The following NEK10 variants were observed in gnomAD, a reference collection of about 807,000 sequenced individuals.
NEK10 encodes the protein serine/threonine-protein kinase Nek10.
NEK10 carries 122 observed loss-of-function variants against 159.8 expected under a neutral mutation model. The ratio of observed to expected loss-of-function variants is 0.76; its 90% CI spans 0.66 to 0.89. The LOEUF (loss-of-function observed/expected upper bound fraction) is 0.89. Among genes scored for constraint, NEK10 ranks in the 40% least tolerant of loss-of-function variants. The pLI, the probability that NEK10 is intolerant of heterozygous loss-of-function variation, is 0.00. For synonymous variants in NEK10, 466 were observed against 457.1 expected (o/e 1.02, Z -0.25); for missense variants, 1,342 against 1,323.1 (o/e 1.01, Z -0.22).
intron 5 of NEK10, among the ~76,000 whole-genome samples, chr3:27,342,069 T>C (rs2047237158): frequency 6.6e-6 from 1 of 152,002 alleles, no homozygotes; most frequent in Non-Finnish European, 1.5e-5. Flanking sequence ...CTGAGTAGAA[T>C]TTGAGTCCCC....
At chr3:27,119,520 C>T (rs547323246) in intron 33 of NEK10, among the ~76,000 whole-genome samples, 1 of 152,298 alleles carries the variant, frequency 6.6e-6, no homozygotes, top group East Asian at 1.9e-4. Context: ...AACTCACCCA[C>T]ACAGATTCTG....
chr3:27,363,617 T>G (rs2048841169), intron 1 of NEK10: 1 of 152,132 alleles, frequency 6.6e-6, no homozygotes, highest in African/African-American at 2.4e-5. Context: ...TGACAAAATC[T>G]CTCCATAAAT....
chr3:27,321,022 G>T (rs866807778), intron 6 of NEK10, among the ~76,000 whole-genome samples: 6 of 152,150 alleles, frequency 3.9e-5, no homozygotes, highest in South Asian at 2.1e-4. Context: ...AACAGAGGAT[G>T]GTTACTTTTC....
At chr3:27,279,142 T>A (rs1373280198) in intron 22 of NEK10, among the ~76,000 whole-genome samples, 1 of 152,218 alleles carries the variant, frequency 6.6e-6, no homozygotes, top group African/African-American at 2.4e-5. Flanking sequence ...TTACTATAAA[T>A]AAGTGCAAAC....
intron 11 of NEK10, among the ~76,000 whole-genome samples, 192 bp downstream of exon 11, chr3:27,307,667 T>C (rs1220209048): frequency 6.6e-6 from 1 of 152,208 alleles, no homozygotes; most frequent in East Asian, 1.9e-4. Context: ...CTAGAAGTAA[T>C]GCAGGACTAA....
At chr3:27,162,378 A>G (rs1946094239) in intron 30 of NEK10, 1 of 1,552,138 alleles carries the variant, frequency 6.4e-7, no homozygotes, top group Non-Finnish European at 8.7e-7. Flanking sequence ...CCACCCAAGC[A>G]TCGTTCAGAC....
Position 27,312,096 on chromosome 3 carries a change from T to C in NEK10, c.568+3A>G. On this transcript the variant is annotated splice_donor_region_variant and intron_variant, in intron 8 of 35. Coordinates refer to ENST00000691995, the MANE Select transcript of NEK10 (RefSeq NM_001394966.1). The stretch of plus-strand genomic sequence containing the variant: ...ATGGCTGTGTCCCTGCAATAACACT[T>C]ACATGTCATGTTGACCAGCTTGTCC... 6.2e-7 allele frequency: 1 copy of C among 1,605,492 alleles called. No homozygotes were observed.
intron 23 of NEK10, among the ~76,000 whole-genome samples, chr3:27,250,458 T>A (rs1955536494): frequency 6.6e-6 from 1 of 152,174 alleles, no homozygotes; most frequent in African/African-American, 2.4e-5. Context: ...AGTGCTGGGA[T>A]TACAGGTGTC....
At chr3:27,148,850 T>C (rs754046761) in intron 30 of NEK10, among the ~76,000 whole-genome samples, 5 of 152,036 alleles carry the variant, frequency 3.3e-5, no homozygotes, top group Non-Finnish European at 5.9e-5. Flanking sequence ...ACAGGTGATA[T>C]GCAATTTGGA....
chr3:27,226,237 G>C (rs184147754), intron 23 of NEK10, among the ~76,000 whole-genome samples: 18 of 151,490 alleles, frequency 1.2e-4, no homozygotes, highest in Non-Finnish European at 2.6e-4. Flanking sequence ...AGTAGAGACA[G>C]GGTTTCACCG....
intron 23 of NEK10, among the ~76,000 whole-genome samples, chr3:27,214,580 T>G (rs946760485): frequency 2.0e-5 from 3 of 151,748 alleles, no homozygotes; most frequent in African/African-American, 7.3e-5. Context: ...TTTGTTTAAT[T>G]TATTTAAGAC....
rs1286568191 is a variant in NEK10 at position 27,107,068 on chromosome 3, T to C, written c.*4204A>G. On this transcript the variant is annotated 3_prime_UTR_variant, in exon 36 of 36. Coordinates refer to ENST00000691995, the MANE Select transcript of NEK10 (RefSeq NM_001394966.1). ...TTCATTTACTTTTAGGATAAAGCAA[T>C]GAACTGTATCTTAAATTTTTTATAT... 6.6e-6 allele frequency among the ~76,000 whole-genome samples: 1 copy of C among 152,128 alleles called. No individual in the cohort carries two copies. The highest frequency in any genetic ancestry group is 6.6e-5 in the Admixed American group (1 of 15,266).
intron 1 of NEK10, 53 bp from the exon 2 acceptor site, chr3:27,352,972 A>G: frequency 2.4e-6 from 2 of 822,974 alleles, no homozygotes; most frequent in Non-Finnish European, 4.1e-6. Flanking sequence ...GTGCCAAAAT[A>G]TTCTCAGTTA....
At chr3:27,306,339 T>A (rs747693906) in intron 11 of NEK10, among the ~76,000 whole-genome samples, 65 of 152,208 alleles carry the variant, frequency 4.3e-4, no homozygotes, top group Admixed American at 8.5e-4. Context: ...CTCATTCTCA[T>A]ACGGCTTTCT....
At chr3:27,319,122 T>A (rs1395569034) in intron 6 of NEK10, among the ~76,000 whole-genome samples, 2 of 152,202 alleles carry the variant, frequency 1.3e-5, no homozygotes, top group East Asian at 3.9e-4. Context: ...CGCACTATTT[T>A]TTATTATTGT....
intron 30 of NEK10, among the ~76,000 whole-genome samples, chr3:27,159,340 G>GT (rs1204788265): frequency 2.6e-5 from 4 of 152,142 alleles, no homozygotes; most frequent in African/African-American, 9.7e-5. Context: ...CTTATGGCAA[G>GT]TGATACTATA....
At chr3:27,258,276 T>C (rs1347907148) in intron 22 of NEK10, among the ~76,000 whole-genome samples, 1 of 152,142 alleles carries the variant, frequency 6.6e-6, no homozygotes, top group Non-Finnish European at 1.5e-5. Flanking sequence ...ACGTGCAAGT[T>C]TGTTACATAT....
In NEK10 at chr3:27,287,714, G is replaced by A; in HGVS notation, c.1773C>T (p.Tyr591=). 1.9e-6 allele frequency: 3 copies of A among 1,564,774 alleles called. No individual in the cohort carries two copies. The highest frequency in any genetic ancestry group is 2.6e-6 in the Non-Finnish European group (3 of 1,160,908). ...CATACTTACTTTCCAGAAATGTTTT[G>A]TAATAACGTACAATGTTGGGATGAT... is the stretch of plus-strand genomic sequence containing the variant. ...QLYHPNIVRY[Y]KTFLENDRLY... is the part of the protein sequence containing the mutation. The change falls in exon 20 of 36, where the codon TAC becomes TAT. Residue 591 remains tyrosine, a synonymous_variant. Coordinates refer to ENST00000691995, the MANE Select transcript of NEK10 (RefSeq NM_001394966.1).
At chr3:27,215,740 A>G in intron 23 of NEK10, 1 of 710,640 alleles carries the variant, frequency 1.4e-6, no homozygotes, top group Non-Finnish European at 2.6e-6. Context: ...ACGGTTCTGC[A>G]GGCTGTACAG....
Sources: allele counts gnomAD v4.1 joint callset (sites outside exome capture counted in the v4.1 genomes callset), GRCh38; gene constraint gnomAD v4.1.1; transcripts MANE v1.5; gene names NCBI Gene and HGNC (gene_info 2026-07-23, HGNC 2026-07-21).